NFIA: variants seen among roughly 807,000 people sequenced by gnomAD.
NFIA encodes the protein nuclear factor 1 A-type.
Under a neutral mutation model 62.8 loss-of-function variants are expected in NFIA, and 8 were observed. The ratio of observed to expected loss-of-function variants is 0.13; its 90% CI spans 0.07 to 0.23. NFIA has a LOEUF of 0.23. Among genes scored for constraint, NFIA ranks in the 10% least tolerant of loss-of-function variants. The probability of loss-of-function intolerance (pLI) is 1.00; values close to 1 mark genes in which losing one functional copy is unlikely to be tolerated. For synonymous variants in NFIA, 235 were observed against 238.1 expected (o/e 0.99, Z 0.12); for missense variants, 410 against 642.1 (o/e 0.64, Z 3.91).
intron 9 of NFIA, among the ~76,000 whole-genome samples, chr1:61,412,347 G>A (rs986932838): frequency 1.8e-4 from 27 of 152,148 alleles, no homozygotes; most frequent in Admixed American, 1.2e-3. Context: ...GGTTGATAGG[G>A]AGGGGCACTT....
chr1:61,195,725 A>T (rs2100581477), intron 2 of NFIA, among the ~76,000 whole-genome samples: 1 of 152,294 alleles, frequency 6.6e-6, no homozygotes, highest in African/African-American at 2.4e-5. Context: ...CCATTTTGTG[A>T]AAAACAGTGA....
chr1:61,096,547 CTTTTTTTTTTT>C (rs369305204), intron 2 of NFIA, among the ~76,000 whole-genome samples: 2,882 of 80,632 alleles, frequency 0.036, 59 homozygotes, highest in Middle Eastern at 0.064. Flanking sequence ...AAGATTAGTT[CTTTTTTTTTTT>C]TTTTTTTTTT....
chr1:61,391,726 ACCCCCTC>A (rs1664996943), intron 7 of NFIA, among the ~76,000 whole-genome samples: 1 of 151,892 alleles, frequency 6.6e-6, no homozygotes, highest in Non-Finnish European at 1.5e-5. Context: ...TAATTGTGGC[ACCCCCTC>A]CCCTGGCCTA....
intron 2 of NFIA, among the ~76,000 whole-genome samples, chr1:61,193,932 A>G (rs1357185228): frequency 6.6e-6 from 1 of 152,196 alleles, no homozygotes; most frequent in Non-Finnish European, 1.5e-5. Context: ...TTGTCTACAT[A>G]CATCCAGAGT....
chr1:61,429,781 C>CA (rs1272110461), intron 10 of NFIA, among the ~76,000 whole-genome samples: 4 of 152,160 alleles, frequency 2.6e-5, no homozygotes, highest in African/African-American at 9.7e-5. Flanking sequence ...GTGGATGAAT[C>CA]TTGAAGACAT....
intron 2 of NFIA, among the ~76,000 whole-genome samples, chr1:61,191,272 CA>C (rs1651596683): frequency 2.0e-5 from 3 of 151,834 alleles, no homozygotes; most frequent in Non-Finnish European, 4.4e-5. Flanking sequence ...ATTTGGCTAT[CA>C]AAAATACGGG....
chr1:61,386,864 G>C (rs980362418), intron 7 of NFIA, among the ~76,000 whole-genome samples: 1 of 152,210 alleles, frequency 6.6e-6, no homozygotes, highest in African/African-American at 2.4e-5. Context: ...CAGTTCTAGA[G>C]GCTGGAAGTC....
chr1:61,306,857 G>A (rs922392818), intron 3 of NFIA, among the ~76,000 whole-genome samples: 21 of 152,138 alleles, frequency 1.4e-4, no homozygotes, highest in South Asian at 4.1e-4. Context: ...ATCAGGGTAC[G>A]GAAAACTCTT....
chr1:61,321,203 C>G (rs2782545), intron 3 of NFIA, among the ~76,000 whole-genome samples: 151,927 of 152,292 alleles, frequency 1, 75,782 homozygotes, highest in Middle Eastern at 1. Flanking sequence ...ATGCAAAATT[C>G]TCTGTTTTTT....
intron 3 of NFIA, among the ~76,000 whole-genome samples, chr1:61,300,935 G>T (rs1659466072): frequency 6.6e-6 from 1 of 151,978 alleles, no homozygotes; most frequent in African/African-American, 2.4e-5. Context: ...CAGAGAAAAA[G>T]AATTGAACAA....
intron 10 of NFIA, among the ~76,000 whole-genome samples, chr1:61,440,000 G>T (rs970251564): frequency 6.6e-6 from 1 of 152,158 alleles, no homozygotes; most frequent in South Asian, 2.1e-4. Flanking sequence ...AACTGAGTGG[G>T]TGTCATTTGT....
In NFIA at chr1:61,118,688, G is replaced by A. The variant is rs200286079; in HGVS notation, c.559+30008G>A. ...TGTGTGTGTGTGTGTGTGTGTGTGT[G>A]TGTGTGTGTGTGTGTGTGTGTACCA... is the stretch of plus-strand genomic sequence containing the variant. On this transcript the variant is annotated intron_variant, in intron 2 of 10. Coordinates refer to ENST00000403491, the MANE Select transcript of NFIA (RefSeq NM_001134673.4). Among the ~76,000 whole-genome samples, 1,703 of 151,222 alleles carry A rather than the reference G, an allele frequency of 0.011. 103 individuals carry two copies. The East Asian group carries it at 0.18, about 16-fold the overall frequency.
intron 3 of NFIA, among the ~76,000 whole-genome samples, chr1:61,294,064 C>G (rs1266274223): frequency 6.6e-6 from 1 of 152,196 alleles, no homozygotes; most frequent in Non-Finnish European, 1.5e-5. Context: ...GTCAGATTCC[C>G]ACATTTTCCT....
chr1:61,437,473 C>T (rs978208097), intron 10 of NFIA, among the ~76,000 whole-genome samples: 1 of 152,010 alleles, frequency 6.6e-6, no homozygotes, highest in Admixed American at 6.6e-5. Flanking sequence ...CTCCCACCCG[C>T]CAGCTGCATG....
intron 6 of NFIA, among the ~76,000 whole-genome samples, chr1:61,379,897 A>G (rs1664333162): frequency 6.6e-6 from 1 of 152,164 alleles, no homozygotes; most frequent in African/African-American, 2.4e-5. Flanking sequence ...ATCTTTGTGA[A>G]TAGTGCATTT....
intron 2 of NFIA, among the ~76,000 whole-genome samples, chr1:61,256,433 C>T (rs1470743022): frequency 1.5e-5 from 1 of 68,324 alleles, no homozygotes; most frequent in African/African-American, 7.9e-5. Flanking sequence ...GAGACTCCAT[C>T]TAAAAAAAAA....
At chr1:61,405,889 T>G (rs1569787455) in intron 8 of NFIA, among the ~76,000 whole-genome samples, 2 of 152,346 alleles carry the variant, frequency 1.3e-5, no homozygotes, top group South Asian at 4.1e-4. Context: ...CATATGCTTA[T>G]ATAATTTAAA....
intron 2 of NFIA, among the ~76,000 whole-genome samples, chr1:61,103,397 G>A (rs766381011): frequency 6.6e-6 from 1 of 152,062 alleles, no homozygotes; most frequent in Non-Finnish European, 1.5e-5. Context: ...TCCCCCCAAG[G>A]TTAGGCTAAG....
intron 10 of NFIA, among the ~76,000 whole-genome samples, chr1:61,442,877 G>T (rs1557442921): frequency 6.6e-6 from 1 of 152,160 alleles, no homozygotes. Flanking sequence ...CTAAACTGCT[G>T]CTCCCAAAGA....
Sources: gnomAD v4.1 joint callset for allele counts (sites outside exome capture counted in the v4.1 genomes callset) on GRCh38, gnomAD v4.1.1 for gene constraint, MANE v1.5 for transcripts, NCBI Gene and HGNC (gene_info 2026-07-23, HGNC 2026-07-21) for gene names.